Variants in AGAP1 observed in about 807,000 individuals in gnomAD.
AGAP1 encodes the protein arf-GAP with GTPase, ANK repeat and PH domain-containing protein 1.
AGAP1 carries 29 observed loss-of-function variants against 105.3 expected under a neutral mutation model. The ratio of observed to expected loss-of-function variants is 0.28; its 90% CI spans 0.21 to 0.38. AGAP1 has a LOEUF of 0.38. Ranked by LOEUF, AGAP1 falls within the 10% of genes least tolerant of loss-of-function variation. The probability of loss-of-function intolerance (pLI) is 1.00; values close to 1 mark genes in which losing one functional copy is unlikely to be tolerated. For synonymous variants in AGAP1, 509 were observed against 485.9 expected, an observed-to-expected ratio of 1.05 and a Z score of -0.63; for missense variants, 998 against 1,165.1, an observed-to-expected ratio of 0.86 and a Z score of 2.09.
chr2:235,976,790 A>G lies in AGAP1; in HGVS notation c.1645+8167A>G, dbSNP rs1315747734. The stretch of plus-strand genomic sequence containing the variant: ...ACCTCAGGGAGGTTCCCCAAAGGGG[A>G]GTAGACACTCACACACGTTGTATAG... On this transcript the variant is annotated intron_variant, in intron 13 of 17. Transcript: ENST00000304032. This position sits in a 1 kb window ranked among gnomAD's most constrained non-coding sequence, Gnocchi z 4.5. Among the ~76,000 whole-genome samples the G allele has an allele frequency of 6.6e-6, 1 of 152,174 alleles. No homozygotes were observed. The highest frequency in any genetic ancestry group is 1.5e-5 in the Non-Finnish European group (1 of 68,034).
chr2:236,004,609 C>T (rs1044105618), intron 13 of AGAP1, among the ~76,000 whole-genome samples: 2 of 152,194 alleles, frequency 1.3e-5, no homozygotes, highest in African/African-American at 4.8e-5. Context: ...GCACAGCATC[C>T]GGAAGAACTG....
chr2:235,790,359 T>C (rs1026872690), intron 6 of AGAP1, among the ~76,000 whole-genome samples: 1 of 152,130 alleles, frequency 6.6e-6, no homozygotes, highest in Non-Finnish European at 1.5e-5. Flanking sequence ...GGGACAGTTT[T>C]AGATATGGGA....
At chr2:235,939,272 C>G (rs10164480) in intron 12 of AGAP1, among the ~76,000 whole-genome samples, 94,868 of 151,718 alleles carry the variant, frequency 0.63, 30,980 homozygotes, top group African/African-American at 0.83. Flanking sequence ...TGGGGAACGT[C>G]CCCACTTCTC....
rs1288262508 is a variant in AGAP1 at position 236,113,184 on chromosome 2, A to G, written c.2115-7008A>G. On this transcript the variant is annotated intron_variant, in intron 16 of 17. Transcript: ENST00000304032. This position sits in a 1 kb window ranked among gnomAD's most constrained non-coding sequence, Gnocchi z 4.3. ...GAGACGGAGTCTCGCTCTTTTGCCC[A>G]GGCTGGAGTGCAGTGGTGCAATCTC... Among the ~76,000 whole-genome samples, 1 of 152,212 alleles carries G rather than the reference A, an allele frequency of 6.6e-6. No individual in the cohort carries two copies. Among genetic ancestry groups the G allele is most frequent in the Non-Finnish European group, 1.5e-5 (1 of 68,036 alleles).
intron 1 of AGAP1, among the ~76,000 whole-genome samples, chr2:235,661,244 C>CTTTT (rs1338321289): frequency 6.6e-6 from 1 of 151,860 alleles, no homozygotes; most frequent in South Asian, 2.1e-4. Context: ...GGAGGAGAGG[C>CTTTT]TTTTGTTGAG....
At chr2:235,763,990 G>GCAGC (rs1954689025) in intron 6 of AGAP1, among the ~76,000 whole-genome samples, 5 of 94,882 alleles carry the variant, frequency 5.3e-5, no homozygotes, top group African/African-American at 1.9e-4. Flanking sequence ...AGATCTGTGT[G>GCAGC]TGGCTGTGAT....
At chr2:236,088,932 C>G (rs918458643) in intron 16 of AGAP1, among the ~76,000 whole-genome samples, 2 of 152,102 alleles carry the variant, frequency 1.3e-5, no homozygotes, top group African/African-American at 4.8e-5. Flanking sequence ...TGATGGTGAT[C>G]GTCATAAAGA....
At chr2:236,030,162 C>A (rs1284881424) in intron 13 of AGAP1, among the ~76,000 whole-genome samples, 1 of 152,160 alleles carries the variant, frequency 6.6e-6, no homozygotes, top group Non-Finnish European at 1.5e-5. Context: ...AGTCTGTGAT[C>A]GTCTTGATAT....
chr2:236,116,794 T>TA (rs2059782314), intron 16 of AGAP1, among the ~76,000 whole-genome samples: 2 of 151,356 alleles, frequency 1.3e-5, no homozygotes, highest in East Asian at 3.9e-4. Flanking sequence ...GTATCATTCT[T>TA]ACACCTTTTA....
chr2:235,719,349 C>T lies in AGAP1; in HGVS notation c.310+1705C>T, dbSNP rs2149555202. 6.6e-6 allele frequency among the ~76,000 whole-genome samples: 1 copy of T among 152,258 alleles called. No homozygotes were observed. Among genetic ancestry groups the T allele is most frequent in the African/African-American group, 2.4e-5 (1 of 41,540 alleles). On this transcript the variant is annotated intron_variant, in intron 3 of 17. Coordinates refer to ENST00000304032, the MANE Select transcript of AGAP1 (RefSeq NM_001037131.3). The surrounding 1 kb of genome is among the most constrained non-coding windows in gnomAD (Gnocchi z 4.9). The stretch of plus-strand genomic sequence containing the variant: ...CATTTTTGTGGCTTTTCGCTGTTTT[C>T]CCTTTGGGCATTCACAGTGTGTTCC...
intron 1 of AGAP1, among the ~76,000 whole-genome samples, chr2:235,619,229 G>A (rs565042221): frequency 4.6e-5 from 7 of 152,218 alleles, no homozygotes; most frequent in Admixed American, 1.3e-4. Context: ...GGGAACTCAC[G>A]CAGTAAGGAC....
At chr2:236,116,386 G>C (rs1192248733) in intron 16 of AGAP1, among the ~76,000 whole-genome samples, 1 of 119,904 alleles carries the variant, frequency 8.3e-6, no homozygotes, top group African/African-American at 2.8e-5. Flanking sequence ...GTTTTGCTCT[G>C]TCGCCCACGC....
At position 235,555,829 on chromosome 2, in the gene AGAP1, T is replaced by C. The variant is rs1943955556; in HGVS notation, c.163+60980T>C. On this transcript the variant is annotated intron_variant, in intron 1 of 17. Coordinates refer to ENST00000304032, the MANE Select transcript of AGAP1 (RefSeq NM_001037131.3). The surrounding 1 kb of genome is among the most constrained non-coding windows in gnomAD (Gnocchi z 5.1). Reference sequence around the variant, plus strand: ...AGTTAAATAGTGACTTGGTTCGGGGTCATGCCATGTGTGTGAGGCCTGAGT... The same window carrying C: ...AGTTAAATAGTGACTTGGTTCGGGGCCATGCCATGTGTGTGAGGCCTGAGT... 6.6e-6 allele frequency among the ~76,000 whole-genome samples: 1 copy of C among 152,126 alleles called. No individual in the cohort carries two copies. The highest frequency in any genetic ancestry group is 1.5e-5 in the Non-Finnish European group (1 of 68,014).
chr2:235,986,540 G>A (rs1401885179), intron 13 of AGAP1, among the ~76,000 whole-genome samples: 1 of 152,096 alleles, frequency 6.6e-6, no homozygotes, highest in Admixed American at 6.6e-5. Flanking sequence ...GAGCATCCTT[G>A]TCTTGTACCA....
intron 1 of AGAP1, among the ~76,000 whole-genome samples, chr2:235,695,240 A>G (rs1282345740): frequency 6.6e-6 from 1 of 152,218 alleles, no homozygotes; most frequent in African/African-American, 2.4e-5. Context: ...AGTTCACTCC[A>G]TAATAGCTCT....
Position 235,882,473 on chromosome 2 carries a change from C to A in AGAP1, c.1051-872C>A, listed in dbSNP as rs2106624748. 1.3e-6 allele frequency: 2 copies of A among 1,569,612 alleles called. No homozygotes were observed. The highest frequency in any genetic ancestry group is 1.1e-5 in the South Asian group (1 of 89,740). ...CCCTATTGAAGCTGGCGATTCCCCCCACGTCTGGTTTGTCTGCCATTTTCT... is the reference window on the plus strand; with the variant it reads ...CCCTATTGAAGCTGGCGATTCCCCCAACGTCTGGTTTGTCTGCCATTTTCT... On this transcript the variant is annotated intron_variant, in intron 9 of 17. Transcript: ENST00000304032. This position sits in a 1 kb window ranked among gnomAD's most constrained non-coding sequence, Gnocchi z 4.6.
chr2:235,538,996 G>C (rs560125665), intron 1 of AGAP1, among the ~76,000 whole-genome samples: 60 of 152,284 alleles, frequency 3.9e-4, no homozygotes, highest in Non-Finnish European at 7.3e-4. Flanking sequence ...TTCTTAAAGG[G>C]AGAGTTTTAT....
rs113512525 is a variant in AGAP1 at position 235,930,708 on chromosome 2, G to A, written c.1325-57G>A. 2.1e-3 allele frequency: 3,327 copies of A among 1,560,160 alleles called. 5 individuals carry two copies. Among genetic ancestry groups the A allele is most frequent in the Non-Finnish European group, 2.7e-3 (3,066 of 1,149,258 alleles). ...GTGTGGGTCCCATAGACTAACTCGC[G>A]CTGGTTTCTGTGGTCTGCAGTCCGC... On this transcript the variant is annotated intron_variant, in intron 11 of 17. Coordinates refer to ENST00000304032, the MANE Select transcript of AGAP1 (RefSeq NM_001037131.3). The surrounding 1 kb of genome is among the most constrained non-coding windows in gnomAD (Gnocchi z 7.9).
intron 13 of AGAP1, among the ~76,000 whole-genome samples, chr2:236,024,489 C>A (rs1318642362): frequency 6.6e-6 from 1 of 152,116 alleles, no homozygotes; most frequent in African/African-American, 2.4e-5. Flanking sequence ...TCCCTCCCCT[C>A]GCACCCACTT....
Sources: gnomAD v4.1 joint callset for allele counts (sites outside exome capture counted in the v4.1 genomes callset) on GRCh38, gnomAD v4.1.1 for gene constraint, Gnocchi (gnomAD v3.1) non-coding constraint, MANE v1.5 for transcripts, NCBI Gene and HGNC (gene_info 2026-07-23, HGNC 2026-07-21) for gene names.